The following PRDM8 variants were observed in gnomAD, a reference collection of about 807,000 sequenced individuals.
PRDM8 encodes PR/SET domain 8.
In PRDM8, 13 loss-of-function variants were observed where a neutral mutation model predicts 46.5. The ratio of observed to expected loss-of-function variants is 0.28; its 90% CI spans 0.18 to 0.44. The LOEUF is 0.44. PRDM8 is among the 20% of genes least tolerant of loss of function. PRDM8 has a pLI of 1.00. For missense variants in PRDM8, 998 were observed against 955.0 expected (o/e 1.04, Z -0.59); for synonymous variants, 473 against 438.4 (o/e 1.08, Z -0.98).
Position 80,202,061 on chromosome 4 carries a change from A to G in PRDM8, c.599A>G (p.Lys200Arg), listed in dbSNP as rs1162082644. ...QDEQGGGVGTKDHGGGGGGGK... is the reference protein window; with the variant it reads ...QDEQGGGVGTRDHGGGGGGGK... ...GAACAAGGCGGCGGCGTGGGCACCA[A>G]GGACCACGGGGGCGGCGGCGGCGGT... The change falls in exon 4 of 4, where the codon AAG becomes AGG. Residue 200 changes from lysine to arginine, a missense_variant. Physicochemically the swap from Lys to Arg is conservative, Grantham distance 26. Transcript: ENST00000415738. The G allele has an allele frequency of 6.2e-7, 1 of 1,613,694 alleles. No individual in the cohort carries two copies. Among genetic ancestry groups the G allele is most frequent in the Non-Finnish European group, 8.5e-7 (1 of 1,179,938 alleles).
Position 80,203,132 on chromosome 4 carries a change from G to A in PRDM8, c.1670G>A (p.Gly557Glu), listed in dbSNP as rs1451171776. ...CTCCAGGGGGCCGCGGACCTGAACG[G>A]AGGTTGCGGGTCCCTGCCGAGCGGC... ...VKLQGAADLN[G>E]GCGSLPSGGG... is the part of the protein sequence containing the mutation. The change falls in exon 4 of 4, where the codon GGA (glycine) becomes GAA (glutamate). Residue 557 changes from glycine (G) to glutamate (E), a missense_variant. Transcript: ENST00000415738. The A allele has an allele frequency of 1.3e-6, 2 of 1,561,414 alleles. No homozygotes were observed. Among genetic ancestry groups the A allele is most frequent in the Admixed American group, 1.8e-5 (1 of 54,934 alleles).
At position 80,185,777 on chromosome 4, in the gene PRDM8, A is replaced by G. The variant is rs1048720303; in HGVS notation, c.-983+259A>G. On this transcript the variant is annotated intron_variant, in intron 1 of 9. Transcript: ENST00000339711. ...ATTTCACTATCATGTCGTTCAATTA[A>G]TCATATTTCCCTTCTCCCATTTTAT... is the stretch of plus-strand genomic sequence containing the variant. Among the ~76,000 whole-genome samples, 3 of 152,200 alleles carry G rather than the reference A, an allele frequency of 2.0e-5. No individual in the cohort carries two copies. In the East Asian group the frequency reaches 5.8e-4, roughly 29 times the overall value.
rs1164291555 is a variant in PRDM8, at chr4:80,203,308, T to TTCACC, written c.1849_1853dup (p.Leu619ProfsTer20). 1 of 1,612,360 alleles carries TTCACC rather than the reference T, an allele frequency of 6.2e-7. No homozygotes were observed. The highest frequency in any genetic ancestry group is 8.5e-7 in the Non-Finnish European group (1 of 1,179,628). On this transcript the variant is annotated frameshift_variant, in exon 4 of 4. Transcript: ENST00000415738. LOFTEE classifies it high-confidence loss of function. ...GGCGCTCACGCTGCTGCCGCCCTCC[T>TTCACC]TCACCTCGCTGTGTCTGCCCGCGCA...
At chr4:80,197,362 C>G (rs1405154656), upstream of PRDM8, 4 of 967,216 alleles carry the variant, frequency 4.1e-6, no homozygotes, top group Non-Finnish European at 4.9e-6. Context: ...GCGGGCAGGC[C>G]GGGGGAAAAA....
intron 1 of PRDM8, among the ~76,000 whole-genome samples, chr4:80,187,164 C>T (rs901886227): frequency 1.3e-5 from 2 of 150,768 alleles, no homozygotes; most frequent in South Asian, 2.1e-4. Context: ...GCTAACAGCA[C>T]CTTTTAGTCA....
upstream of PRDM8, chr4:80,196,296 G>T: frequency 1.0e-6 from 1 of 982,916 alleles, no homozygotes; most frequent in Non-Finnish European, 1.2e-6. Flanking sequence ...TGGTGTGTGT[G>T]GGGCTGAAGG....
chr4:80,198,327 C>T (rs976498478), intron 1 of PRDM8, among the ~76,000 whole-genome samples: 13 of 152,142 alleles, frequency 8.5e-5, no homozygotes, highest in Middle Eastern at 3.4e-3. Context: ...GGCGACCTCC[C>T]GGCACAATGA....
At chr4:80,198,203 C>G (rs1280625721) in intron 1 of PRDM8, among the ~76,000 whole-genome samples, 3 of 152,248 alleles carry the variant, frequency 2.0e-5, no homozygotes, top group Non-Finnish European at 2.9e-5. Context: ...CTCGTGGCGC[C>G]TGGCGCTGCG....
Position 80,201,532 on chromosome 4 carries a change from T to C in PRDM8, c.451+11T>C, listed in dbSNP as rs2109877242. 1 of 1,610,990 alleles carries C rather than the reference T, an allele frequency of 6.2e-7. No homozygotes were observed. The highest frequency in any genetic ancestry group is 8.5e-7 in the Non-Finnish European group (1 of 1,177,212). On this transcript the variant is annotated intron_variant, in intron 3 of 3. Coordinates refer to ENST00000415738, the MANE Select transcript of PRDM8 (RefSeq NM_001099403.2). ...ACAACAAAATGAATGGTAGGTTGGC[T>C]CGCGACCGGCGTGTGGGCCCTTAAC...
At chr4:80,189,605 G>A (rs1737394074) in intron 1 of PRDM8, 1 of 152,158 alleles carries the variant, frequency 6.6e-6, no homozygotes. Context: ...GTAACAATAG[G>A]CAGCTCTGAA....
intron 1 of PRDM8, among the ~76,000 whole-genome samples, chr4:80,188,438 G>C (rs1391244868): frequency 1.3e-5 from 2 of 152,188 alleles, no homozygotes; most frequent in African/African-American, 4.8e-5. Context: ...TCAAGCAAGT[G>C]GCCTAGCTGG....
Position 80,203,098 on chromosome 4 carries a change from G to C in PRDM8, c.1636G>C (p.Ala546Pro), listed in dbSNP as rs1312710549. ...RLYPAAADPLAVKLQGAADLN... is the reference protein window; with the variant it reads ...RLYPAAADPLPVKLQGAADLN... ...CTATCCCGCCGCCGCGGACCCTCTAGCGGTGAAGCTCCAGGGGGCCGCGGA... is the reference window on the plus strand; with the variant it reads ...CTATCCCGCCGCCGCGGACCCTCTACCGGTGAAGCTCCAGGGGGCCGCGGA... Residue 546 changes from alanine to proline, a missense_variant, in exon 4 of 4, where the codon GCG becomes CCG. Ala to Pro is a conservative substitution (Grantham distance 27, BLOSUM62 -1). Transcript: ENST00000415738. 1.9e-6 allele frequency: 3 copies of C among 1,572,672 alleles called. No homozygotes were observed. Among genetic ancestry groups the C allele is most frequent in the Non-Finnish European group, 2.6e-6 (3 of 1,168,246 alleles).
intron 2 of PRDM8, among the ~76,000 whole-genome samples, chr4:80,200,825 T>G (rs978236781): frequency 6.6e-6 from 1 of 152,250 alleles, no homozygotes; most frequent in African/African-American, 2.4e-5. Flanking sequence ...GACCTCTCAT[T>G]TCCTATTCTT....
intron 1 of PRDM8, among the ~76,000 whole-genome samples, chr4:80,188,328 C>G (rs1737278397): frequency 6.6e-6 from 1 of 152,188 alleles, no homozygotes; most frequent in Non-Finnish European, 1.5e-5. Flanking sequence ...CTTATGCTGA[C>G]CCTTTAAATA....
upstream of PRDM8, chr4:80,194,193 G>A (rs890712213): frequency 1.0e-6 from 1 of 981,774 alleles, no homozygotes; most frequent in East Asian, 1.1e-4. Flanking sequence ...TTTCCTACAT[G>A]TGTATTTTTG....
chr4:80,196,863 T>A, upstream of PRDM8: 1 of 963,428 alleles, frequency 1.0e-6, no homozygotes, highest in Non-Finnish European at 1.2e-6. Flanking sequence ...TTATGTCCCC[T>A]TCCGAGGTCT....
chr4:80,190,374 G>A (rs920709599), intron 1 of PRDM8, among the ~76,000 whole-genome samples: 10 of 152,248 alleles, frequency 6.6e-5, no homozygotes, highest in African/African-American at 2.4e-4. Flanking sequence ...CATTTGGAGC[G>A]TACCAAGCGC....
At chr4:80,187,460 G>T (rs941409244) in intron 1 of PRDM8, among the ~76,000 whole-genome samples, 1 of 152,170 alleles carries the variant, frequency 6.6e-6, no homozygotes, top group Non-Finnish European at 1.5e-5. Context: ...ATGCAGGTAT[G>T]CTTCTCTACT....
At chr4:80,200,557 T>C (rs1407734877) in intron 2 of PRDM8, among the ~76,000 whole-genome samples, 5 of 152,230 alleles carry the variant, frequency 3.3e-5, no homozygotes, top group African/African-American at 1.2e-4. Flanking sequence ...TTCTGGATTA[T>C]CCTGGTGATG....
Sources: gnomAD v4.1 joint callset for allele counts (sites outside exome capture counted in the v4.1 genomes callset) on GRCh38, gnomAD v4.1.1 for gene constraint, MANE v1.5 for transcripts, NCBI Gene and HGNC (gene_info 2026-07-23, HGNC 2026-07-21) for gene names.